The following IL19 variants were observed in gnomAD, a reference collection of about 807,000 sequenced individuals.
IL19 encodes the protein interleukin-19.
In IL19, 15 loss-of-function variants were observed where a neutral mutation model predicts 19.5. The observed-to-expected ratio is 0.77, with a 90% CI of 0.52 to 1.19. The LOEUF (loss-of-function observed/expected upper bound fraction) is 1.19. Among genes scored for constraint, IL19 ranks in the 50% most tolerant of loss-of-function variants. IL19 has a pLI of 0.00. For missense variants in IL19, 199 were observed against 213.1 expected (o/e 0.93, Z 0.41); for synonymous variants, 78 against 78.3 (o/e 1.00, Z 0.02).
chr1:206,822,107 C>T (rs1676304267), intron 2 of IL19, among the ~76,000 whole-genome samples: 1 of 152,106 alleles, frequency 6.6e-6, no homozygotes. Context: ...GGGTTCTGGG[C>T]TAAGCCTGAA....
intron 1 of IL19, among the ~76,000 whole-genome samples, chr1:206,795,168 C>T (rs1050187954): frequency 6.6e-5 from 10 of 152,230 alleles, no homozygotes; most frequent in African/African-American, 2.4e-4. Context: ...ACAGTAACAC[C>T]TGGCCACCAA....
intron 1 of IL19, among the ~76,000 whole-genome samples, chr1:206,781,922 TATATATAC>T (rs1299209801): frequency 9.1e-6 from 1 of 110,408 alleles, no homozygotes; most frequent in African/African-American, 3.7e-5. Context: ...TGTATATAGT[TATATATAC>T]ATATATATGT....
chr1:206,827,714 A>G (rs1397510669), intron 2 of IL19, among the ~76,000 whole-genome samples: 1 of 149,214 alleles, frequency 6.7e-6, no homozygotes, highest in Non-Finnish European at 1.5e-5. Context: ...ACAAAACAAA[A>G]AAAACAAAAA....
intron 2 of IL19, among the ~76,000 whole-genome samples, chr1:206,799,670 T>C (rs1675630404): frequency 6.6e-6 from 1 of 152,206 alleles, no homozygotes; most frequent in Admixed American, 6.5e-5. Flanking sequence ...ACCAAATTAC[T>C]GGGAGACAGA....
At chr1:206,808,516 T>C (rs935741783) in intron 2 of IL19, among the ~76,000 whole-genome samples, 2 of 151,786 alleles carry the variant, frequency 1.3e-5, no homozygotes, top group Non-Finnish European at 1.5e-5. Flanking sequence ...TGTGTGTGTG[T>C]GTGTGTGTGC....
At chr1:206,818,362 A>G (rs181721501) in intron 2 of IL19, among the ~76,000 whole-genome samples, 5 of 152,362 alleles carry the variant, frequency 3.3e-5, no homozygotes, top group African/African-American at 1.2e-4. Flanking sequence ...TAAGCATTAG[A>G]AAGAAATTAA....
intron 2 of IL19, chr1:206,833,853 T>C: frequency 1.5e-5 from 15 of 985,502 alleles, no homozygotes; most frequent in Non-Finnish European, 1.6e-5. Flanking sequence ...AACAAAATGA[T>C]GCAGGTAAAG....
intron 2 of IL19, among the ~76,000 whole-genome samples, chr1:206,807,301 T>C (rs1469052489): frequency 1.3e-5 from 2 of 152,190 alleles, no homozygotes. Context: ...CTATGGCATG[T>C]AGAGTCAACT....
intron 1 of IL19, among the ~76,000 whole-genome samples, chr1:206,789,610 G>A (rs1209818610): frequency 1.3e-5 from 2 of 151,890 alleles, no homozygotes; most frequent in African/African-American, 4.8e-5. Flanking sequence ...TTTTAAGCTC[G>A]GGATGCATGT....
chr1:206,838,747 TTCCC>T (rs1676888572), intron 4 of IL19, among the ~76,000 whole-genome samples: 1 of 12,450 alleles, frequency 8.0e-5, no homozygotes, highest in African/African-American at 3.3e-4. Flanking sequence ...TTCCCTTCCC[TTCCC>T]TTCCCTTCCC....
At position 206,798,929 on chromosome 1, in the gene IL19, C is replaced by T. The variant is rs754089269; in HGVS notation, c.-80C>T. On this transcript the variant is annotated 5_prime_UTR_variant, in exon 2 of 7. Transcript: ENST00000659997. ...GAGGGAGCGTTTCCGCACAGATCTG[C>T]GTGTTCCTTACCACTCACACATGTG... 12 of 1,613,694 alleles carry T rather than the reference C, an allele frequency of 7.4e-6. No individual in the cohort carries two copies. Among genetic ancestry groups the T allele is most frequent in the African/African-American group, 5.3e-5 (4 of 74,908 alleles).
At chr1:206,786,661 G>A (rs1675275832) in intron 1 of IL19, among the ~76,000 whole-genome samples, 2 of 152,060 alleles carry the variant, frequency 1.3e-5, no homozygotes, top group Non-Finnish European at 1.5e-5. Flanking sequence ...TGCAGTGGTG[G>A]GAAAATTGAG....
At chr1:206,809,103 C>T (rs1040783001) in intron 2 of IL19, among the ~76,000 whole-genome samples, 1 of 152,132 alleles carries the variant, frequency 6.6e-6, no homozygotes, top group Non-Finnish European at 1.5e-5. Context: ...TCCCTCAAAG[C>T]AGCCCCCATG....
intron 4 of IL19, among the ~76,000 whole-genome samples, chr1:206,838,693 A>T (rs1283050820): frequency 1.3e-5 from 2 of 151,990 alleles, no homozygotes; most frequent in African/African-American, 4.8e-5. Context: ...GCTCATGTGG[A>T]ATAAGAAAAG....
chr1:206,808,657 G>A (rs544853345), intron 2 of IL19, among the ~76,000 whole-genome samples: 1 of 152,228 alleles, frequency 6.6e-6, no homozygotes, highest in South Asian at 2.1e-4. Flanking sequence ...GAAAACTCGC[G>A]GTAGGTTAAA....
chr1:206,835,751 G>A (rs1430703080), intron 2 of IL19, among the ~76,000 whole-genome samples: 1 of 152,226 alleles, frequency 6.6e-6, no homozygotes, highest in African/African-American at 2.4e-5. Flanking sequence ...CATGCGTTAA[G>A]GCTAAGCTCT....
At chr1:206,827,710 CAA>C (rs528463884) in intron 2 of IL19, among the ~76,000 whole-genome samples, 103 of 4,788 alleles carry the variant, frequency 0.022, 1 homozygote, top group African/African-American at 0.019. Flanking sequence ...CAAAACAAAA[CAA>C]AAAAAACAAA....
intron 1 of IL19, among the ~76,000 whole-genome samples, chr1:206,785,430 GA>G (rs1361424228): frequency 6.6e-6 from 1 of 152,206 alleles, no homozygotes; most frequent in African/African-American, 2.4e-5. Flanking sequence ...TGGTGGGAAA[GA>G]AGCCATGAAA....
chr1:206,807,702 G>C (rs911536800), intron 2 of IL19, among the ~76,000 whole-genome samples: 2 of 142,170 alleles, frequency 1.4e-5, no homozygotes, highest in African/African-American at 2.6e-5. Flanking sequence ...TCTTCTCTTA[G>C]AGTATGAACC....
Sources: gnomAD v4.1 joint callset for allele counts (sites outside exome capture counted in the v4.1 genomes callset) on GRCh38, gnomAD v4.1.1 for gene constraint, MANE v1.5 for transcripts, NCBI Gene and HGNC (gene_info 2026-07-23, HGNC 2026-07-21) for gene names.